The following MMP9 variants were observed in gnomAD, a reference collection of about 807,000 sequenced individuals.
MMP9 encodes matrix metallopeptidase 9.
In MMP9, 73 loss-of-function variants were observed where a neutral mutation model predicts 76.4. The observed-to-expected ratio is 0.96, with a 90% CI of 0.79 to 1.16. MMP9 has a LOEUF of 1.16. MMP9 is among the 50% of genes most tolerant of loss of function. The probability of loss-of-function intolerance (pLI) is 0.00; values close to 1 mark genes in which losing one functional copy is unlikely to be tolerated. For synonymous variants in MMP9, 412 were observed against 408.4 expected (o/e 1.01, Z -0.11); for missense variants, 943 against 973.0 (o/e 0.97, Z 0.41).
In MMP9 at chr20:46,016,111, TG is replaced by T. The variant is rs1228284577; in HGVS notation, c.2006-133del. The T allele has an allele frequency of 1.1e-5, 9 of 833,660 alleles. 1 individual carries two copies. The Admixed American group carries it at 1.6e-4, about 15-fold the overall frequency. The allele number at this position is 833,660 out of a possible 1,614,324, so 51.6% of individuals were successfully genotyped here. ...CAGAACCTCACAGCATCTCACAGGT[TG>T]GGGGGATGGAGGTGATATGTGAAAA... On this transcript the variant is annotated intron_variant, in intron 12 of 12. Coordinates refer to ENST00000372330, the MANE Select transcript of MMP9 (RefSeq NM_004994.3).
In MMP9 at chr20:46,016,192, T is replaced by C. The variant is rs966515001; in HGVS notation, c.2006-58T>C. 4 of 1,467,900 alleles carry C rather than the reference T, an allele frequency of 2.7e-6. No homozygotes were observed. In the African/African-American group the frequency reaches 5.6e-5, roughly 20 times the overall value. 90.9% of individuals were successfully genotyped at this position (1,467,900 alleles called of 1,614,324 possible). ...GATGGTTGTCAAGATCTTGTTCCTA[T>C]TTCTGTATATGTGGGAGAATTAGAA... On this transcript the variant is annotated intron_variant, in intron 12 of 12. Transcript: ENST00000372330.
intron 12 of MMP9, among the ~76,000 whole-genome samples, chr20:46,015,973 A>G (rs55874225): frequency 2.0e-4 from 31 of 152,334 alleles, no homozygotes; most frequent in Non-Finnish European, 4.1e-4. Flanking sequence ...GCATTAAGAT[A>G]GTTGGTCTAT....
chr20:46,013,916 A>C lies in MMP9; in HGVS notation c.1750+120A>C. ...TTTAGAAAAATACGCCCCCTGGCGG[A>C]CGCAGTTTAGCAAACGTAGGGGCGG... On this transcript the variant is annotated intron_variant, in intron 10 of 12. Coordinates refer to ENST00000372330, the MANE Select transcript of MMP9 (RefSeq NM_004994.3). This position sits in a 1 kb window ranked among gnomAD's most constrained non-coding sequence, Gnocchi z 4.5. 1 of 1,486,274 alleles carries C rather than the reference A, an allele frequency of 6.7e-7. No homozygotes were observed. The highest frequency in any genetic ancestry group is 2.0e-5 in the Admixed American group (1 of 50,174). The allele number at this position is 1,486,274 out of a possible 1,614,324, so 92.1% of individuals were successfully genotyped here.
intron 1 of MMP9, 54 bp from the exon 2 acceptor site, chr20:46,009,812 C>CT (rs2084263503): frequency 4.7e-6 from 7 of 1,481,630 alleles, no homozygotes; most frequent in Middle Eastern, 1.7e-4. Context: ...TTGGCCCCAG[C>CT]TGGGCAGAGA....
chr20:46,010,659 G>A (rs1343032358), intron 3 of MMP9, 28 bp downstream of exon 3: 3 of 1,604,780 alleles, frequency 1.9e-6, no homozygotes, highest in East Asian at 2.2e-5. Flanking sequence ...GAAAATCCAA[G>A]AGACCTGGGC....
Position 46,010,907 on chromosome 20 carries a change from G to C in MMP9, c.521-15G>C, listed in dbSNP as rs200292673. On this transcript the variant is annotated splice_polypyrimidine_tract_variant and intron_variant, in intron 3 of 12. Coordinates refer to ENST00000372330, the MANE Select transcript of MMP9 (RefSeq NM_004994.3). ...GTACTCGGCTAACCCTCTTCCTCTC[G>C]ACCTGTTTCTTCAGAGCACGGAGAC... 120 of 1,614,206 alleles carry C rather than the reference G, an allele frequency of 7.4e-5. 4 individuals carry two copies. The South Asian group carries it at 9.0e-4, about 12-fold the overall frequency.
In MMP9 at chr20:46,011,234, C is replaced by G. The variant is rs200792951; in HGVS notation, c.741C>G (p.Asp247Glu). 1.9e-6 allele frequency: 3 copies of G among 1,613,738 alleles called. No homozygotes were observed. Among genetic ancestry groups the G allele is most frequent in the South Asian group, 2.2e-5 (2 of 91,088 alleles). ...EGRSYSACTTDGRSDGLPWCS... is the reference protein window; with the variant it reads ...EGRSYSACTTEGRSDGLPWCS... ...GCTCCTACTCTGCCTGCACCACCGA[C>G]GGTCGCTCCGACGGCTTGCCCTGGT... is the stretch of plus-strand genomic sequence containing the variant. The change falls in exon 5 of 13, where the codon GAC becomes GAG. Residue 247 changes from aspartate to glutamate, a missense_variant. By Grantham distance (45) the Asp-to-Glu change is conservative. Transcript: ENST00000372330.
Position 46,010,506 on chromosome 20 carries a change from T to C in MMP9, c.395T>C (p.Leu132Ser). 6.2e-7 allele frequency: 1 copy of C among 1,614,182 alleles called. No individual in the cohort carries two copies. The highest frequency in any genetic ancestry group is 1.1e-5 in the South Asian group (1 of 91,086). The change falls in exon 3 of 13, where the codon TTG becomes TCG. Residue 132 changes from leucine to serine, a missense_variant. Leu to Ser is a moderately radical substitution (Grantham distance 145). Transcript: ENST00000372330. ...TYWIQNYSED[L>S]PRAVIDDAFA... ...AGGATCCAAAACTACTCGGAAGACTTGCCGCGGGCGGTGATTGACGACGCC... is the reference window on the plus strand; with the variant it reads ...AGGATCCAAAACTACTCGGAAGACTCGCCGCGGGCGGTGATTGACGACGCC...
Position 46,012,697 on chromosome 20 carries a change from C to T in MMP9, c.1330+115C>T, listed in dbSNP as rs45484600. 1.0e-5 allele frequency: 15 copies of T among 1,451,456 alleles called. No homozygotes were observed. In the Admixed American group the frequency reaches 2.3e-4, roughly 23 times the overall value. The allele number at this position is 1,451,456 out of a possible 1,614,324, so 89.9% of individuals were successfully genotyped here. On this transcript the variant is annotated intron_variant, in intron 8 of 12. Transcript: ENST00000372330. ...AACGGGGCGTGCAGGAGAGGTGGGA[C>T]CTCAACGTCTGTCTGGAAGCAGAGC...
rs2145455791 is a variant in MMP9, at chr20:46,013,729, C to T, written c.1683C>T (p.Pro561=). ...QGPFLIADKW[P]ALPRKLDSVF... The stretch of plus-strand genomic sequence containing the variant: ...CCTTCCTTATCGCCGACAAGTGGCC[C>T]GCGCTGCCCCGCAAGCTGGACTCGG... Residue 561 remains proline (P), a synonymous_variant, in exon 10 of 13, where the codon CCC becomes CCT. Coordinates refer to ENST00000372330, the MANE Select transcript of MMP9 (RefSeq NM_004994.3). The surrounding 1 kb of genome is among the most constrained non-coding windows in gnomAD (Gnocchi z 4.5). 3 of 1,613,808 alleles carry T rather than the reference C, an allele frequency of 1.9e-6. No individual in the cohort carries two copies. The highest frequency in any genetic ancestry group is 1.1e-5 in the South Asian group (1 of 91,046).
chr20:46,014,617 C>T, intron 12 of MMP9, 143 bp downstream of exon 12: 1 of 895,376 alleles, frequency 1.1e-6, no homozygotes, highest in South Asian at 1.5e-5. Context: ...GAGGCAGAGG[C>T]CTTCTCCAGG....
At chr20:46,012,733 T>C in intron 8 of MMP9, 151 bp downstream of exon 8, 1 of 1,179,436 alleles carries the variant, frequency 8.5e-7, no homozygotes, top group Non-Finnish European at 1.2e-6. Flanking sequence ...CTGGGCCCAG[T>C]CGCTGCCATG....
chr20:46,014,600 C>T, intron 12 of MMP9, 126 bp downstream of exon 12: 1 of 1,032,088 alleles, frequency 9.7e-7, no homozygotes, highest in Non-Finnish European at 1.5e-6. Context: ...CAGACAAGAT[C>T]CCAGCAGAGG....
chr20:46,012,355 G>A, intron 7 of MMP9, 42 bp downstream of exon 7: 1 of 1,579,376 alleles, frequency 6.3e-7, no homozygotes, highest in Non-Finnish European at 8.7e-7. Context: ...GTTCCCGGCA[G>A]TGGTGGTGGT....
chr20:46,013,656 G>A lies in MMP9; in HGVS notation c.1611-1G>A. On this transcript the variant is annotated splice_acceptor_variant, in intron 9 of 12. Coordinates refer to ENST00000372330, the MANE Select transcript of MMP9 (RefSeq NM_004994.3). LOFTEE classifies it high-confidence loss of function. This position sits in a 1 kb window ranked among gnomAD's most constrained non-coding sequence, Gnocchi z 4.5. Reference sequence around the variant, plus strand: ...CGTCCTTTCCCTCCTCGCTTTCTCAGGAAGTACTGGCGATTCTCTGAGGGC... The same window carrying A: ...CGTCCTTTCCCTCCTCGCTTTCTCAAGAAGTACTGGCGATTCTCTGAGGGC... 3.7e-6 allele frequency: 6 copies of A among 1,614,126 alleles called. No homozygotes were observed. The highest frequency in any genetic ancestry group is 5.1e-6 in the Non-Finnish European group (6 of 1,179,996).
Position 46,013,979 on chromosome 20 carries a change from G to A in MMP9, c.1751-145G>A. ...CCCCTCCTCTCCACGCCCTCGCGTC[G>A]CTCTACCCAGCGCCTCTGCCCCTGG... On this transcript the variant is annotated intron_variant, in intron 10 of 12. Transcript: ENST00000372330. This position sits in a 1 kb window ranked among gnomAD's most constrained non-coding sequence, Gnocchi z 4.5. 1 of 1,416,080 alleles carries A rather than the reference G, an allele frequency of 7.1e-7. No homozygotes were observed. Among genetic ancestry groups the A allele is most frequent in the Non-Finnish European group, 9.5e-7 (1 of 1,050,386 alleles). 87.7% of individuals were successfully genotyped at this position (1,416,080 alleles called of 1,614,324 possible).
chr20:46,009,962 T>A lies in MMP9; in HGVS notation c.235T>A (p.Ser79Thr). 6.4e-7 allele frequency: 1 copy of A among 1,551,920 alleles called. No individual in the cohort carries two copies. ...GCTGCTGCTTCTCCAGAAGCAACTG[T>A]CCCTGCCCGAGACCGGTGAGCTGGA... is the stretch of plus-strand genomic sequence containing the variant. ...PALLLLQKQL[S>T]LPETGELDSA... The change falls in exon 2 of 13, where the codon TCC becomes ACC. Residue 79 changes from serine to threonine, a missense_variant. Physicochemically the swap from Ser to Thr is moderately conservative, Grantham distance 58 (BLOSUM62 1). Coordinates refer to ENST00000372330, the MANE Select transcript of MMP9 (RefSeq NM_004994.3).
At chr20:46,010,122 C>CGGG in intron 2 of MMP9, 24 bp downstream of exon 2, 1 of 781,192 alleles carries the variant, frequency 1.3e-6, no homozygotes. Context: ...GTGGGGGCAG[C>CGGG]GGGGTGGGGC....
In MMP9 at chr20:46,013,875, GA is replaced by G; in HGVS notation, c.1750+82del. ...GCTCAAGAGACCATCGATAACCCAC[GA>G]AACGTCTTGTGCGTTTTAGAAAAAT... On this transcript the variant is annotated intron_variant, in intron 10 of 12. Transcript: ENST00000372330. The surrounding 1 kb of genome is among the most constrained non-coding windows in gnomAD (Gnocchi z 4.5). The G allele has an allele frequency of 6.3e-7, 1 of 1,583,394 alleles. No individual in the cohort carries two copies. Among genetic ancestry groups the G allele is most frequent in the African/African-American group, 1.3e-5 (1 of 74,276 alleles).
Sources: gnomAD v4.1 joint callset for allele counts (sites outside exome capture counted in the v4.1 genomes callset) on GRCh38, gnomAD v4.1.1 for gene constraint, Gnocchi (gnomAD v3.1) non-coding constraint, MANE v1.5 for transcripts, NCBI Gene and HGNC (gene_info 2026-07-23, HGNC 2026-07-21) for gene names.